SLAMF9: variants seen among roughly 807,000 people sequenced by gnomAD.
SLAMF9 encodes the protein CD2 family member 10.
SLAMF9 carries 25 observed loss-of-function variants against 30.4 expected under a neutral mutation model. That is an observed-to-expected ratio of 0.82 (90% CI 0.60 to 1.15). SLAMF9 has a LOEUF of 1.15. SLAMF9 is among the 50% of genes most tolerant of loss of function. The pLI is 0.00. For synonymous variants in SLAMF9, 129 were observed against 127.2 expected (o/e 1.01, Z -0.09); for missense variants, 344 against 346.1 (o/e 0.99, Z 0.05).
the SLAMF9 span, among the ~76,000 whole-genome samples, chr1:159,966,599 CT>C: frequency 4.6e-5 from 7 of 152,102 alleles, no homozygotes; most frequent in African/African-American, 1.4e-4. Context: ...CAAGTGTTCC[CT>C]TTTTTCTGTG....
At chr1:159,978,008 T>C in the SLAMF9 span, among the ~76,000 whole-genome samples, 5 of 152,066 alleles carry the variant, frequency 3.3e-5, no homozygotes, top group African/African-American at 1.2e-4. Context: ...GGAGGATCTG[T>C]GGCCTTTCTT....
the SLAMF9 span, among the ~76,000 whole-genome samples, chr1:159,963,557 C>T: frequency 6.6e-6 from 1 of 152,208 alleles, no homozygotes; most frequent in Non-Finnish European, 1.5e-5. Context: ...TTCCTTGTCT[C>T]TCAGGCTTCA....
Position 159,953,257 on chromosome 1 carries a change from A to G in SLAMF9, c.391+52T>C, listed in dbSNP as rs1651823221. ...TGAGACGCCCACTCCATGGTGTGAG[A>G]AGCTCAGAAGAGCCCCCAAAACCAG... On this transcript the variant is annotated intron_variant, in intron 2 of 3. Transcript: ENST00000368093. 3 of 1,465,810 alleles carry G rather than the reference A, an allele frequency of 2.0e-6. No individual in the cohort carries two copies. The Admixed American group carries it at 5.4e-5, about 27-fold the overall frequency. The allele number at this position is 1,465,810 out of a possible 1,614,324, so 90.8% of individuals were successfully genotyped here.
chr1:159,977,760 A>G, the SLAMF9 span, among the ~76,000 whole-genome samples: 1 of 152,064 alleles, frequency 6.6e-6, no homozygotes, highest in Non-Finnish European at 1.5e-5. Context: ...AGATGGAGCC[A>G]GCCATCTACA....
At chr1:159,958,834 C>T (rs1651983037), upstream of SLAMF9, among the ~76,000 whole-genome samples, 1 of 152,078 alleles carries the variant, frequency 6.6e-6, no homozygotes, top group South Asian at 2.1e-4. Flanking sequence ...TCTCACTGCC[C>T]TTTTAATCTT....
upstream of SLAMF9, among the ~76,000 whole-genome samples, chr1:159,956,440 G>T (rs913161516): frequency 6.6e-6 from 1 of 152,102 alleles, no homozygotes; most frequent in Non-Finnish European, 1.5e-5. Context: ...CTGCACTCCA[G>T]CAGAGACCAC....
At chr1:159,973,790 T>C in the SLAMF9 span, 2 of 1,613,430 alleles carry the variant, frequency 1.2e-6, no homozygotes, top group Admixed American at 3.3e-5. Flanking sequence ...CCCAAGCTGG[T>C]GACTTACCTT....
the SLAMF9 span, among the ~76,000 whole-genome samples, chr1:159,981,187 T>G: frequency 6.6e-6 from 1 of 152,156 alleles, no homozygotes; most frequent in African/African-American, 2.4e-5. Context: ...CCATTCTGAT[T>G]GGTGTCCTTA....
chr1:159,960,010 T>TTATA, the SLAMF9 span, among the ~76,000 whole-genome samples: 3,848 of 148,352 alleles, frequency 0.026, 62 homozygotes, highest in Middle Eastern at 0.053. Context: ...CCTGACTTCT[T>TTATA]TATATATATA....
the SLAMF9 span, among the ~76,000 whole-genome samples, chr1:159,967,791 T>C: frequency 2.0e-5 from 3 of 152,212 alleles, no homozygotes; most frequent in Admixed American, 6.5e-5. Context: ...TAGTATTTTA[T>C]AGTTTTCAGT....
chr1:159,955,491 C>T (rs563973778), upstream of SLAMF9, among the ~76,000 whole-genome samples: 1 of 152,306 alleles, frequency 6.6e-6, no homozygotes, highest in South Asian at 2.1e-4. Flanking sequence ...ACGTATTCAG[C>T]TTTGGTCTTG....
the SLAMF9 span, among the ~76,000 whole-genome samples, chr1:159,960,314 C>T: frequency 0.58 from 87,472 of 151,260 alleles, 28,929 homozygotes; most frequent in East Asian, 0.97. Flanking sequence ...TGGTTTCCAG[C>T]TTCATCCATG....
At chr1:159,952,686 A>C in intron 2 of SLAMF9, 152 bp from the exon 3 acceptor site, 1 of 802,766 alleles carries the variant, frequency 1.2e-6, no homozygotes. Flanking sequence ...CAACCACCAT[A>C]AAACCTGTGG....
At chr1:159,975,031 G>A in the SLAMF9 span, among the ~76,000 whole-genome samples, 1 of 152,146 alleles carries the variant, frequency 6.6e-6, no homozygotes, top group Non-Finnish European at 1.5e-5. Context: ...TCCAAGTGTG[G>A]TCTGAACTCC....
At chr1:159,951,954 G>A (rs1207074556) in intron 3 of SLAMF9, 88 bp from the exon 4 acceptor site, 69 of 1,127,168 alleles carry the variant, frequency 6.1e-5, no homozygotes, top group Non-Finnish European at 8.4e-5. Flanking sequence ...TTCATGAAGG[G>A]GTCTCAAGTT....
In SLAMF9 at chr1:159,951,646, G is replaced by T. The variant is rs747643397; in HGVS notation, c.*15C>A. The T allele has an allele frequency of 1.2e-6, 2 of 1,612,766 alleles. No homozygotes were observed. The highest frequency in any genetic ancestry group is 4.5e-5 in the East Asian group (2 of 44,876). On this transcript the variant is annotated 3_prime_UTR_variant, in exon 4 of 4. Coordinates refer to ENST00000368093, the MANE Select transcript of SLAMF9 (RefSeq NM_033438.4). ...GGAAGAAACCAAGCTCAGGACTGGG[G>T]TTCCCAAGGAGCAGTCAGGCAGGGC...
At chr1:159,955,691 T>C (rs1651908637), upstream of SLAMF9, among the ~76,000 whole-genome samples, 1 of 152,222 alleles carries the variant, frequency 6.6e-6, no homozygotes, top group South Asian at 2.1e-4. Context: ...GTTTGATGAA[T>C]CTTACCAAAG....
At chr1:159,972,714 T>C in the SLAMF9 span, 2 of 247,180 alleles carry the variant, frequency 8.1e-6, no homozygotes, top group East Asian at 1.7e-4. Context: ...GATCTCTCCA[T>C]TGAGGTAGAA....
chr1:159,974,631 AG>A, the SLAMF9 span, among the ~76,000 whole-genome samples: 2 of 152,146 alleles, frequency 1.3e-5, no homozygotes, highest in South Asian at 4.1e-4. Context: ...GATCCCCAGC[AG>A]GGGCTTCAGT....
Sources: gnomAD v4.1 joint callset for allele counts (sites outside exome capture counted in the v4.1 genomes callset) on GRCh38, gnomAD v4.1.1 for gene constraint, MANE v1.5 for transcripts, NCBI Gene and HGNC (gene_info 2026-07-23, HGNC 2026-07-21) for gene names.